AIG1: variants seen among roughly 807,000 people sequenced by gnomAD.
AIG1 encodes androgen induced 1.
A neutral mutation model predicts 31.4 loss-of-function variants in AIG1; 23 were observed. The observed-to-expected ratio is 0.73, with a 90% CI of 0.53 to 1.04. The LOEUF (loss-of-function observed/expected upper bound fraction) is 1.04, where lower values mean the gene tolerates loss of function less well. AIG1 is among the 50% of genes least tolerant of loss of function. The pLI is 0.00. For synonymous variants in AIG1, 100 were observed against 110.5 expected (o/e 0.90, Z 0.60); for missense variants, 274 against 295.0 (o/e 0.93, Z 0.52).
intron 1 of AIG1, among the ~76,000 whole-genome samples, chr6:143,071,831 T>C (rs1777308702): frequency 6.6e-6 from 1 of 151,908 alleles, no homozygotes; most frequent in African/African-American, 2.4e-5. Context: ...TCACCCAGGC[T>C]GGAGTGCAGT....
chr6:143,179,445 C>T (rs139628385), intron 3 of AIG1, among the ~76,000 whole-genome samples: 7 of 152,244 alleles, frequency 4.6e-5, no homozygotes, highest in Non-Finnish European at 1.0e-4. Flanking sequence ...AAGTGTATCA[C>T]GACACCATTT....
intron 1 of AIG1, among the ~76,000 whole-genome samples, chr6:143,090,234 T>C (rs769542715): frequency 2.6e-5 from 4 of 152,238 alleles, no homozygotes; most frequent in Non-Finnish European, 2.9e-5. Flanking sequence ...TTCTCAGTGC[T>C]TTAATTTCTT....
chr6:143,154,707 A>G (rs1785557141), intron 2 of AIG1, among the ~76,000 whole-genome samples: 1 of 152,082 alleles, frequency 6.6e-6, no homozygotes, highest in African/African-American at 2.4e-5. Flanking sequence ...TATCAATGTT[A>G]ATTTTCTGGT....
intron 3 of AIG1, among the ~76,000 whole-genome samples, chr6:143,253,054 A>G (rs1387925292): frequency 6.6e-6 from 1 of 152,220 alleles, no homozygotes; most frequent in East Asian, 1.9e-4. Flanking sequence ...AACAGAAGCC[A>G]CAATCATTTC....
intron 3 of AIG1, chr6:143,187,961 GT>G (rs1583457266): frequency 3.3e-6 from 4 of 1,208,230 alleles, no homozygotes; most frequent in Admixed American, 4.1e-5. Flanking sequence ...GATTTTATTA[GT>G]TGCATTTTGT....
At chr6:143,094,511 G>C (rs142693499) in intron 1 of AIG1, among the ~76,000 whole-genome samples, 2 of 152,114 alleles carry the variant, frequency 1.3e-5, no homozygotes, top group Non-Finnish European at 2.9e-5. Context: ...AGAACCAGCC[G>C]GTGAGTAGGG....
At chr6:143,236,656 T>G (rs1264886530) in intron 3 of AIG1, among the ~76,000 whole-genome samples, 1 of 152,184 alleles carries the variant, frequency 6.6e-6, no homozygotes, top group East Asian at 1.9e-4. Context: ...AACAGTAGGC[T>G]CCAGTCCTTT....
chr6:143,226,985 CTTTTTTT>C (rs11431811), intron 3 of AIG1, among the ~76,000 whole-genome samples: 1 of 113,600 alleles, frequency 8.8e-6, no homozygotes, highest in Admixed American at 8.8e-5. Context: ...GAGTTTTTGT[CTTTTTTT>C]TTTTTTTTTT....
intron 3 of AIG1, among the ~76,000 whole-genome samples, chr6:143,201,904 C>T (rs73781113): frequency 1.6e-3 from 251 of 152,288 alleles, no homozygotes; most frequent in African/African-American, 5.4e-3. Context: ...GCCATCCTTA[C>T]GTTTTTTCTG....
intron 1 of AIG1, among the ~76,000 whole-genome samples, chr6:143,096,039 T>G (rs1418082532): frequency 6.6e-6 from 1 of 151,704 alleles, no homozygotes; most frequent in Non-Finnish European, 1.5e-5. Context: ...CCCGAGTAGC[T>G]GGGACTACAG....
intron 1 of AIG1, among the ~76,000 whole-genome samples, chr6:143,106,821 A>G (rs953600937): frequency 6.6e-6 from 1 of 152,186 alleles, no homozygotes; most frequent in African/African-American, 2.4e-5. Flanking sequence ...GAAGTCCAAG[A>G]TAAAGGTACT....
In AIG1 at chr6:143,127,083, T is replaced by G. The variant is rs138436690; in HGVS notation, c.142-9752T>G. Among the ~76,000 whole-genome samples, 642 of 152,328 alleles carry G rather than the reference T, an allele frequency of 4.2e-3. 5 individuals carry two copies. Among genetic ancestry groups the G allele is most frequent in the African/African-American group, 0.012 (508 of 41,570 alleles). Reference sequence around the variant, plus strand: ...TTTATATGTAGATAGACTATTCCTCTCTGGATTACATATAAATTTATTAAA... The same window carrying G: ...TTTATATGTAGATAGACTATTCCTCGCTGGATTACATATAAATTTATTAAA... On this transcript the variant is annotated intron_variant, in intron 1 of 5. Transcript: ENST00000357847.
At chr6:143,176,886 C>T (rs527434310) in intron 3 of AIG1, among the ~76,000 whole-genome samples, 1 of 152,368 alleles carries the variant, frequency 6.6e-6, no homozygotes, top group East Asian at 1.9e-4. Flanking sequence ...TTTCTCTTGG[C>T]TTTCCTGGTA....
intron 1 of AIG1, among the ~76,000 whole-genome samples, chr6:143,122,025 G>T (rs1007451069): frequency 1.1e-4 from 17 of 152,118 alleles, no homozygotes; most frequent in Non-Finnish European, 1.6e-4. Context: ...TTATAAAGCA[G>T]CATAAATTAT....
intron 2 of AIG1, among the ~76,000 whole-genome samples, chr6:143,158,906 G>T (rs558658988): frequency 6.6e-6 from 1 of 152,328 alleles, no homozygotes; most frequent in Non-Finnish European, 1.5e-5. Context: ...CATGCTATAT[G>T]CCAGGCAGTG....
intron 4 of AIG1, among the ~76,000 whole-genome samples, chr6:143,286,917 G>C (rs1180688992): frequency 6.6e-6 from 1 of 151,508 alleles, no homozygotes; most frequent in Non-Finnish European, 1.5e-5. Flanking sequence ...TTTCCCCACT[G>C]ACTGGTTCCC....
At chr6:143,201,015 G>A (rs965634347) in intron 3 of AIG1, among the ~76,000 whole-genome samples, 15 of 151,878 alleles carry the variant, frequency 9.9e-5, no homozygotes, top group South Asian at 2.1e-4. Flanking sequence ...CCTATTTCCC[G>A]TCTCAGTAAA....
At chr6:143,259,195 T>C (rs1439988924) in intron 3 of AIG1, among the ~76,000 whole-genome samples, 1 of 152,216 alleles carries the variant, frequency 6.6e-6, no homozygotes, top group Non-Finnish European at 1.5e-5. Context: ...GCCACCAGAA[T>C]TGTGAGCCAA....
intron 3 of AIG1, among the ~76,000 whole-genome samples, chr6:143,165,705 G>T (rs192224447): frequency 6.6e-6 from 1 of 152,190 alleles, no homozygotes; most frequent in Non-Finnish European, 1.5e-5. Flanking sequence ...TGTTTGCCTC[G>T]TAGGGTTCTT....
Sources: allele counts gnomAD v4.1 joint callset (sites outside exome capture counted in the v4.1 genomes callset), GRCh38; gene constraint gnomAD v4.1.1; transcripts MANE v1.5; gene names NCBI Gene and HGNC (gene_info 2026-07-23, HGNC 2026-07-21).